SEMA5A: variants seen among roughly 807,000 people sequenced by gnomAD.
SEMA5A encodes semaphorin 5A, also known as semaphorin-5A.
A neutral mutation model predicts 135.5 loss-of-function variants in SEMA5A; 55 were observed. The ratio of observed to expected loss-of-function variants is 0.41; its 90% confidence interval spans 0.33 to 0.51. The LOEUF is 0.51. SEMA5A is among the 20% of genes least tolerant of loss of function. The pLI is 0.37. For missense variants in SEMA5A, 1,290 were observed against 1,419.9 expected, an observed-to-expected ratio of 0.91 and a Z score of 1.47; for synonymous variants, 580 against 546.5, an observed-to-expected ratio of 1.06 and a Z score of -0.85.
At chr5:9,226,683 A>G (rs1747327188) in intron 7 of SEMA5A, among the ~76,000 whole-genome samples, 186 bp downstream of exon 7, 2 of 152,214 alleles carry the variant, frequency 1.3e-5, no homozygotes, top group African/African-American at 4.8e-5. Context: ...CCAGTTATTT[A>G]TCTAATTGAT....
intron 5 of SEMA5A, among the ~76,000 whole-genome samples, chr5:9,298,140 A>G (rs1751432404): frequency 6.6e-6 from 1 of 152,114 alleles, no homozygotes; most frequent in African/African-American, 2.4e-5. Flanking sequence ...TTACAGAGGT[A>G]ATCAAGTTAA....
chr5:9,288,318 T>A (rs1579285551), intron 5 of SEMA5A, among the ~76,000 whole-genome samples: 1 of 152,018 alleles, frequency 6.6e-6, no homozygotes, highest in South Asian at 2.1e-4. Flanking sequence ...GAGAGCCAGG[T>A]GGGTGTGGCT....
Position 9,359,631 on chromosome 5 carries a change from A to G in SEMA5A, c.124+20192T>C, listed in dbSNP as rs80007103. ...TTGCACCTATAATAACTATTCCCCT[A>G]CAGCTGATTTTGCTGGTTTTTAAGT... On this transcript the variant is annotated intron_variant, in intron 3 of 22. Transcript: ENST00000382496. 1.7e-4 allele frequency among the ~76,000 whole-genome samples: 26 copies of G among 152,252 alleles called. No individual in the cohort carries two copies. The East Asian group carries it at 4.4e-3, about 26-fold the overall frequency.
At chr5:9,474,841 T>C (rs1759610444) in intron 1 of SEMA5A, among the ~76,000 whole-genome samples, 1 of 152,192 alleles carries the variant, frequency 6.6e-6, no homozygotes. Context: ...GGGACATTGG[T>C]TTCTGAAACA....
At chr5:9,232,776 C>T (rs1024276209) in intron 6 of SEMA5A, among the ~76,000 whole-genome samples, 3 of 151,928 alleles carry the variant, frequency 2.0e-5, no homozygotes, top group Admixed American at 2.0e-4. Flanking sequence ...TAATTTTAAC[C>T]TAATGTTAGT....
At position 9,363,227 on chromosome 5, in the gene SEMA5A, A is replaced by G. The variant is rs551961174; in HGVS notation, c.124+16596T>C. ...CTGTTCATAACCAAATATAGCACAC[A>G]GGAAATCACTGCAAAGCGCTGATAT... On this transcript the variant is annotated intron_variant, in intron 3 of 22. Coordinates refer to ENST00000382496, the MANE Select transcript of SEMA5A (RefSeq NM_003966.3). 5 of 152,368 alleles carry G rather than the reference A, an allele frequency of 3.3e-5. No individual in the cohort carries two copies. In the South Asian group the frequency reaches 1.0e-3, roughly 32 times the overall value. The allele number at this position is 152,368 out of a possible 1,614,324, so 9.4% of individuals were successfully genotyped here. A position where few individuals can be genotyped will look rare whatever the true frequency, so the allele number is the denominator to read the frequency against.
chr5:9,372,875 T>C (rs1248502862), intron 3 of SEMA5A, among the ~76,000 whole-genome samples: 1 of 152,106 alleles, frequency 6.6e-6, no homozygotes, highest in East Asian at 1.9e-4. Context: ...GAGGTTACAG[T>C]TTGTTGTACC....
chr5:9,119,160 T>C lies in SEMA5A; in HGVS notation c.1782-19A>G, dbSNP rs747441596. On this transcript the variant is annotated intron_variant, in intron 14 of 22. Coordinates refer to ENST00000382496, the MANE Select transcript of SEMA5A (RefSeq NM_003966.3). ...TCCGTTCCTGAGGGAAGGGAAGCAA[T>C]GCAATCATTAGGTCCCGCAGGCTCA... 6.2e-6 allele frequency: 10 copies of C among 1,611,476 alleles called. No homozygotes were observed. The Admixed American group carries it at 1.5e-4, about 24-fold the overall frequency.
Position 9,513,904 on chromosome 5 carries a change from C to G in SEMA5A, c.-175+31680G>C, listed in dbSNP as rs1367310333. On this transcript the variant is annotated intron_variant, in intron 1 of 22. Coordinates refer to ENST00000382496, the MANE Select transcript of SEMA5A (RefSeq NM_003966.3). Reference sequence around the variant, plus strand: ...CGTTAGTTTCCTATGTAACAAATGACCACTGTAACAAATTCCCATAAACTT... The same window carrying G: ...CGTTAGTTTCCTATGTAACAAATGAGCACTGTAACAAATTCCCATAAACTT... Among the ~76,000 whole-genome samples the G allele has an allele frequency of 2.6e-5, 4 of 152,266 alleles. No individual in the cohort carries two copies. In the Middle Eastern group the frequency reaches 0.01, roughly 388 times the overall value.
intron 16 of SEMA5A, among the ~76,000 whole-genome samples, chr5:9,099,369 T>TA (rs1263816709): frequency 2.6e-5 from 4 of 152,034 alleles, no homozygotes; most frequent in Non-Finnish European, 5.9e-5. Context: ...GATATTTTAT[T>TA]AAAAAAAAGA....
intron 5 of SEMA5A, among the ~76,000 whole-genome samples, chr5:9,286,886 C>G (rs923785657): frequency 6.6e-6 from 1 of 152,226 alleles, no homozygotes; most frequent in African/African-American, 2.4e-5. Context: ...TGGCCTTGGG[C>G]CGGGCTCCTT....
At chr5:9,347,680 G>C (rs73050552) in intron 3 of SEMA5A, among the ~76,000 whole-genome samples, 1,536 of 152,272 alleles carry the variant, frequency 0.01, 24 homozygotes, top group African/African-American at 0.035. Flanking sequence ...GAGGGCAGGA[G>C]CAGGGACCTG....
chr5:9,084,472 G>A (rs956477839), intron 16 of SEMA5A, among the ~76,000 whole-genome samples: 1 of 152,158 alleles, frequency 6.6e-6, no homozygotes, highest in Non-Finnish European at 1.5e-5. Flanking sequence ...AATCATGAGG[G>A]CAGGTTTTTC....
chr5:9,081,705 G>T (rs1738395211), intron 16 of SEMA5A, among the ~76,000 whole-genome samples: 2 of 152,122 alleles, frequency 1.3e-5, no homozygotes, highest in Non-Finnish European at 2.9e-5. Flanking sequence ...GCCTGATACT[G>T]TTCAGAACTC....
At chr5:9,540,742 A>C (rs3777371) in intron 1 of SEMA5A, among the ~76,000 whole-genome samples, 123,944 of 152,124 alleles carry the variant, frequency 0.81, 50,573 homozygotes, top group Middle Eastern at 0.85. Context: ...TGGCCTCCGA[A>C]GCGTTCTCTT....
intron 3 of SEMA5A, among the ~76,000 whole-genome samples, chr5:9,367,120 T>C (rs966091388): frequency 2.6e-5 from 4 of 152,248 alleles, no homozygotes; most frequent in African/African-American, 7.2e-5. Flanking sequence ...TCCAATATAG[T>C]AGACACTGGC....
intron 1 of SEMA5A, among the ~76,000 whole-genome samples, chr5:9,512,609 C>T (rs1437443800): frequency 6.6e-6 from 1 of 152,050 alleles, no homozygotes; most frequent in Non-Finnish European, 1.5e-5. Context: ...TAAAAGTCAA[C>T]ATTAATGTTC....
At chr5:9,479,505 AG>A (rs1319894296) in intron 1 of SEMA5A, among the ~76,000 whole-genome samples, 1 of 152,140 alleles carries the variant, frequency 6.6e-6, no homozygotes, top group Non-Finnish European at 1.5e-5. Flanking sequence ...TTCCATCTGG[AG>A]TGTCGGAGCG....
chr5:9,337,370 G>A (rs979622360), intron 4 of SEMA5A, among the ~76,000 whole-genome samples: 10 of 152,194 alleles, frequency 6.6e-5, no homozygotes, highest in Admixed American at 4.6e-4. Flanking sequence ...CATATGCCCC[G>A]GACAACTTAT....
Sources: gnomAD v4.1 joint callset for allele counts (sites outside exome capture counted in the v4.1 genomes callset) on GRCh38, gnomAD v4.1.1 for gene constraint, MANE v1.5 for transcripts, NCBI Gene and HGNC (gene_info 2026-07-23, HGNC 2026-07-21) for gene names.